The following MXD4 variants were observed in gnomAD, a reference collection of about 807,000 sequenced individuals.
The protein encoded by MXD4 is Mad4 homolog.
Under a neutral mutation model 24.5 loss-of-function variants are expected in MXD4, and 16 were observed. The ratio of observed to expected loss-of-function variants is 0.65; its 90% CI spans 0.44 to 0.99. The LOEUF is 0.99. Among genes scored for constraint, MXD4 ranks in the 50% least tolerant of loss-of-function variants. MXD4 has a pLI of 0.00. For synonymous variants in MXD4, 164 were observed against 134.2 expected, an observed-to-expected ratio of 1.22 and a Z score of -1.54; for missense variants, 301 against 301.5, an observed-to-expected ratio of 1.00 and a Z score of 0.01.
In MXD4 at chr4:2,250,664, C is replaced by G; in HGVS notation, c.510G>C (p.Glu170Asp). Residue 170 changes from glutamate (E) to aspartate (D), a missense_variant, in exon 6 of 6, where the codon GAG becomes GAC. Physicochemically the swap from Glu to Asp is conservative, Grantham distance 45 (BLOSUM62 2). Coordinates refer to ENST00000337190, the MANE Select transcript of MXD4 (RefSeq NM_006454.3). ...DIEGMEFGPG[E>D]LDSVGSSSDA... ...CACTGCTGCTGCCAACACTGTCCAG[C>G]TCACCAGGGCCAAACTCCATGCCCT... The G allele has an allele frequency of 6.2e-7, 1 of 1,613,754 alleles. No homozygotes were observed. Among genetic ancestry groups the G allele is most frequent in the Non-Finnish European group, 8.5e-7 (1 of 1,179,966 alleles).
chr4:2,260,587 CCCT>C (rs1181369770), intron 2 of MXD4: 1 of 455,596 alleles, frequency 2.2e-6, no homozygotes, highest in East Asian at 7.0e-5. Flanking sequence ...GGCAATGGTT[CCCT>C]CGTCACACTC....
chr4:2,250,155 CCTGGGAT>C lies in MXD4; in HGVS notation c.*382_*388del, dbSNP rs1735287189. 1 of 215,920 alleles carries C rather than the reference CCTGGGAT, an allele frequency of 4.6e-6. No individual in the cohort carries two copies. The highest frequency in any genetic ancestry group is 9.4e-6 in the Non-Finnish European group (1 of 106,812). 13.4% of individuals were successfully genotyped at this position (215,920 alleles called of 1,614,324 possible). ...TTCCTTCCTCGGTCCACTCCTTTCT[CCTGGGAT>C]CCAGGGTTGGGGTCTGAGCTCCCTG... On this transcript the variant is annotated 3_prime_UTR_variant, in exon 6 of 6. Coordinates refer to ENST00000337190, the MANE Select transcript of MXD4 (RefSeq NM_006454.3).
At chr4:2,260,002 G>A (rs1460635521) in intron 2 of MXD4, among the ~76,000 whole-genome samples, 1 of 152,242 alleles carries the variant, frequency 6.6e-6, no homozygotes, top group Admixed American at 6.5e-5. Flanking sequence ...GTGGGGACAA[G>A]TCAGGGGCTC....
intron 3 of MXD4, among the ~76,000 whole-genome samples, chr4:2,256,258 C>T (rs1735426617): frequency 6.6e-6 from 1 of 152,228 alleles, no homozygotes; most frequent in African/African-American, 2.4e-5. Flanking sequence ...CCCCAGGACC[C>T]TGGGGTTGGC....
At position 2,261,809 on chromosome 4, in the gene MXD4, T is replaced by C. The variant is rs759278222; in HGVS notation, c.80A>G (p.Tyr27Cys). 1.4e-6 allele frequency: 2 copies of C among 1,409,476 alleles called. No homozygotes were observed. Among genetic ancestry groups the C allele is most frequent in the South Asian group, 2.8e-5 (2 of 72,162 alleles). 87.3% of individuals were successfully genotyped at this position (1,409,476 alleles called of 1,614,324 possible). A position where few individuals can be genotyped will look rare whatever the true frequency, so the allele number is the denominator to read the frequency against. Residue 27 changes from tyrosine to cysteine, a missense_variant, in exon 2 of 6, where the codon TAC (tyrosine) becomes TGC (cysteine). Coordinates refer to ENST00000337190, the MANE Select transcript of MXD4 (RefSeq NM_006454.3). ...GCCGTCGAAGGGCAGCACCGAGGCGTAGCCGTGCTCGGCCTCTGCGGACAC... is the reference window on the plus strand; with the variant it reads ...GCCGTCGAAGGGCAGCACCGAGGCGCAGCCGTGCTCGGCCTCTGCGGACAC... ...ERRDREAEHG[Y>C]ASVLPFDGDF...
At chr4:2,260,216 C>T (rs2108791793) in intron 2 of MXD4, among the ~76,000 whole-genome samples, 1 of 152,316 alleles carries the variant, frequency 6.6e-6, no homozygotes, top group African/African-American at 2.4e-5. Context: ...ACCAGTGCCC[C>T]CATGGTCTCT....
intron 4 of MXD4, among the ~76,000 whole-genome samples, chr4:2,251,857 C>T (rs1336075674): frequency 2.6e-5 from 4 of 152,214 alleles, no homozygotes; most frequent in Non-Finnish European, 5.9e-5. Flanking sequence ...GAGATTTGCC[C>T]TGGTTGGTCC....
intron 2 of MXD4, among the ~76,000 whole-genome samples, chr4:2,260,064 G>A (rs939680937): frequency 6.6e-6 from 1 of 152,232 alleles, no homozygotes; most frequent in Non-Finnish European, 1.5e-5. Context: ...GGCTGGCTGA[G>A]GAAACCTCCA....
chr4:2,250,988 C>T, intron 5 of MXD4, 96 bp downstream of exon 5: 1 of 1,408,698 alleles, frequency 7.1e-7, no homozygotes, highest in Non-Finnish European at 9.4e-7. Flanking sequence ...AGGGTTCTCC[C>T]CAGCCCCAGC....
chr4:2,251,343 T>A, intron 4 of MXD4, 97 bp from the exon 5 acceptor site: 2 of 1,376,422 alleles, frequency 1.5e-6, no homozygotes, highest in Non-Finnish European at 1.9e-6. Context: ...CCCGGGAGGT[T>A]CCCCATCCCT....
intron 3 of MXD4, among the ~76,000 whole-genome samples, chr4:2,256,467 T>C (rs1287948236): frequency 2.0e-5 from 3 of 152,134 alleles, no homozygotes; most frequent in African/African-American, 7.2e-5. Context: ...CTTCCTTCCT[T>C]TCTCAAGACA....
intron 2 of MXD4, chr4:2,259,166 C>T: frequency 2.7e-5 from 9 of 336,004 alleles, no homozygotes; most frequent in South Asian, 1.9e-4. Flanking sequence ...TTCTTGCTGA[C>T]CACTGCCTGC....
intron 2 of MXD4, chr4:2,259,111 C>T (rs1378537601): frequency 1.9e-5 from 7 of 368,012 alleles, no homozygotes; most frequent in Non-Finnish European, 3.9e-5. Flanking sequence ...CAGACCCAGC[C>T]CTGAGGCCTC....
intron 2 of MXD4, chr4:2,258,935 T>C (rs1268964754): frequency 8.8e-6 from 4 of 455,974 alleles, no homozygotes; most frequent in Non-Finnish European, 1.8e-5. Context: ...CCACAGGGTG[T>C]GCCACAGCAT....
chr4:2,262,079 GCACTTCCAGA>G lies in MXD4; in HGVS notation c.-109_-100del. On this transcript the variant is annotated 5_prime_UTR_variant, in exon 1 of 6. Transcript: ENST00000337190. ...CGCCCACCCCGCGCGCCCGGCCGCC[GCACTTCCAGA>G]CTCCGCGGACTCCGGCGCTCGGCCG... 1 of 608,998 alleles carries G rather than the reference GCACTTCCAGA, an allele frequency of 1.6e-6. No individual in the cohort carries two copies. The allele number at this position is 608,998 out of a possible 1,614,324, so 37.7% of individuals were successfully genotyped here.
intron 2 of MXD4, among the ~76,000 whole-genome samples, chr4:2,259,556 C>T (rs1000395994): frequency 2.6e-5 from 4 of 152,190 alleles, no homozygotes; most frequent in Non-Finnish European, 2.9e-5. Context: ...AGAGGGAGGT[C>T]GGGGTCAGCA....
chr4:2,260,789 T>C (rs1234103702), intron 2 of MXD4, among the ~76,000 whole-genome samples: 2 of 152,176 alleles, frequency 1.3e-5, no homozygotes, highest in Admixed American at 1.3e-4. Context: ...GCCCTGGGGC[T>C]CTGAAGCCCC....
Position 2,249,465 on chromosome 4 carries a change from T to A in MXD4, c.*1079A>T, listed in dbSNP as rs1297702196. The A allele has an allele frequency of 6.7e-6, 1 of 149,834 alleles. No individual in the cohort carries two copies. Among genetic ancestry groups the A allele is most frequent in the East Asian group, 2.0e-4 (1 of 5,086 alleles). The allele number at this position is 149,834 out of a possible 1,614,324, so 9.3% of individuals were successfully genotyped here. On this transcript the variant is annotated 3_prime_UTR_variant, in exon 6 of 6. Coordinates refer to ENST00000337190, the MANE Select transcript of MXD4 (RefSeq NM_006454.3). ...TTAAAAATGGTTTTTTTTTTTTTTC[T>A]GGGAAAGCCTCTCTGCCAGCTGAAG...
Position 2,261,668 on chromosome 4 carries a change from C to CGGGCGG in MXD4, c.164+51_164+56dup, listed in dbSNP as rs1476949577. The stretch of plus-strand genomic sequence containing the variant: ...GAATCGGGGCCCGGAGAGCACGCTC[C>CGGGCGG]GGGCGGGGGCGGGGGTTCGGACCGG... On this transcript the variant is annotated intron_variant, in intron 2 of 5. Coordinates refer to ENST00000337190, the MANE Select transcript of MXD4 (RefSeq NM_006454.3). 10 of 998,434 alleles carry CGGGCGG rather than the reference C, an allele frequency of 1.0e-5. No homozygotes were observed. In the African/African-American group the frequency reaches 1.5e-4, roughly 15 times the overall value. The allele number at this position is 998,434 out of a possible 1,614,324, so 61.8% of individuals were successfully genotyped here. A position where few individuals can be genotyped will look rare whatever the true frequency, so the allele number is the denominator to read the frequency against.
Sources: allele counts gnomAD v4.1 joint callset (sites outside exome capture counted in the v4.1 genomes callset), GRCh38; gene constraint gnomAD v4.1.1; transcripts MANE v1.5; gene names NCBI Gene and HGNC (gene_info 2026-07-23, HGNC 2026-07-21).